The following ADAMTSL3 variants were observed in gnomAD, a reference collection of about 807,000 sequenced individuals.
ADAMTSL3 encodes ADAMTS like 3.
A neutral mutation model predicts 201.7 loss-of-function variants in ADAMTSL3; 128 were observed. That is an observed-to-expected ratio of 0.63 (90% CI 0.55 to 0.73). The LOEUF is 0.73. Ranked by LOEUF, ADAMTSL3 falls within the 30% of genes least tolerant of loss-of-function variation. ADAMTSL3 has a pLI of 0.00. For synonymous variants in ADAMTSL3, 738 were observed against 748.4 expected (o/e 0.99, Z 0.23); for missense variants, 1,990 against 2,119.6 (o/e 0.94, Z 1.20).
At chr15:83,759,669 G>A (rs1415801134) in intron 3 of ADAMTSL3, among the ~76,000 whole-genome samples, 2 of 152,188 alleles carry the variant, frequency 1.3e-5, no homozygotes, top group African/African-American at 4.8e-5. Flanking sequence ...GAGAGAAGTG[G>A]AAGACAGGAA....
Position 83,892,749 on chromosome 15 carries a change from T to TTG in ADAMTSL3, c.1336_1337dup (p.Glu447Ter). ...GGAGGAGGGATTCAGAGACGGAGCTTTGTGTGTGTAGAGGAATCCATGCAT... is the reference window on the plus strand; with the variant it reads ...GGAGGAGGGATTCAGAGACGGAGCTTTGTGTGTGTGTAGAGGAATCCATGCAT... On this transcript the variant is annotated frameshift_variant, in exon 13 of 30. Coordinates refer to ENST00000286744, the MANE Select transcript of ADAMTSL3 (RefSeq NM_207517.3). LOFTEE classifies it high-confidence loss of function. The TTG allele has an allele frequency of 6.2e-7, 1 of 1,613,900 alleles. No homozygotes were observed. Among genetic ancestry groups the TTG allele is most frequent in the African/African-American group, 1.3e-5 (1 of 74,976 alleles).
intron 6 of ADAMTSL3, among the ~76,000 whole-genome samples, chr15:83,837,249 C>T (rs192685579): frequency 8.8e-5 from 13 of 147,378 alleles, no homozygotes; most frequent in African/African-American, 3.0e-4. Flanking sequence ...ATGATAAAGA[C>T]AAGGAGATAT....
At chr15:83,822,665 C>T (rs1481227620) in intron 6 of ADAMTSL3, among the ~76,000 whole-genome samples, 1 of 151,284 alleles carries the variant, frequency 6.6e-6, no homozygotes, top group Non-Finnish European at 1.5e-5. Flanking sequence ...CTCCTCACTT[C>T]CTAGATGGGA....
intron 17 of ADAMTSL3, among the ~76,000 whole-genome samples, chr15:83,927,559 C>G (rs537929776): frequency 6.6e-6 from 1 of 152,286 alleles, no homozygotes; most frequent in South Asian, 2.1e-4. Context: ...GTAGCTAGTA[C>G]TATTCTTATT....
intron 6 of ADAMTSL3, among the ~76,000 whole-genome samples, chr15:83,832,493 G>A (rs1051117311): frequency 6.6e-6 from 1 of 152,178 alleles, no homozygotes; most frequent in African/African-American, 2.4e-5. Context: ...TAGGTGATTT[G>A]AATTAAATAA....
chr15:83,701,123 G>A (rs964029892), intron 2 of ADAMTSL3, among the ~76,000 whole-genome samples: 3 of 152,126 alleles, frequency 2.0e-5, no homozygotes, highest in Non-Finnish European at 4.4e-5. Flanking sequence ...AACACCTGTG[G>A]CCTCTTAATT....
chr15:83,867,156 C>A (rs1009706459), intron 8 of ADAMTSL3, among the ~76,000 whole-genome samples: 2 of 152,178 alleles, frequency 1.3e-5, no homozygotes, highest in African/African-American at 2.4e-5. Context: ...ATAAATCATT[C>A]TTTTAATATC....
At chr15:83,674,450 T>G (rs2061366794) in intron 2 of ADAMTSL3, among the ~76,000 whole-genome samples, 1 of 151,830 alleles carries the variant, frequency 6.6e-6, no homozygotes, top group African/African-American at 2.4e-5. Context: ...TATTTTCAGA[T>G]TCTTCATTTT....
intron 4 of ADAMTSL3, among the ~76,000 whole-genome samples, chr15:83,794,278 C>T (rs1030762184): frequency 6.6e-6 from 1 of 152,138 alleles, no homozygotes; most frequent in Non-Finnish European, 1.5e-5. Context: ...ATGCAACTAC[C>T]ATACAACTCA....
chr15:83,718,908 A>G lies in ADAMTSL3; in HGVS notation c.189+14400A>G, dbSNP rs1227646761. On this transcript the variant is annotated intron_variant, in intron 3 of 29. Transcript: ENST00000286744. Reference sequence around the variant, plus strand: ...TCATTCTGCCTTTTCTATATGAACAATATCACTGGATAACCAAACAGTAGA... The same window carrying G: ...TCATTCTGCCTTTTCTATATGAACAGTATCACTGGATAACCAAACAGTAGA... 3.3e-5 allele frequency among the ~76,000 whole-genome samples: 5 copies of G among 152,208 alleles called. No homozygotes were observed. In the South Asian group the frequency reaches 1.0e-3, roughly 32 times the overall value.
chr15:83,810,636 C>CT (rs2063678765), intron 5 of ADAMTSL3, among the ~76,000 whole-genome samples: 1 of 152,208 alleles, frequency 6.6e-6, no homozygotes, highest in African/African-American at 2.4e-5. Flanking sequence ...AATTAATTTC[C>CT]TTTTTTTCCC....
chr15:83,877,050 G>T (rs12900443), intron 9 of ADAMTSL3, among the ~76,000 whole-genome samples: 123,233 of 152,146 alleles, frequency 0.81, 50,031 homozygotes, highest in Admixed American at 0.87. Context: ...CACATCAGCC[G>T]CCCAAACTGC....
chr15:83,838,492 G>A (rs999051298), intron 7 of ADAMTSL3, among the ~76,000 whole-genome samples: 17 of 152,164 alleles, frequency 1.1e-4, no homozygotes, highest in Admixed American at 6.5e-4. Flanking sequence ...TCATGAAATA[G>A]TAATTTCTTT....
chr15:83,771,031 A>G (rs1469829552), intron 3 of ADAMTSL3, among the ~76,000 whole-genome samples: 1 of 152,164 alleles, frequency 6.6e-6, no homozygotes, highest in African/African-American at 2.4e-5. Flanking sequence ...AGATCACATC[A>G]CTGCACTCCA....
chr15:83,963,748 T>A (rs946270026), intron 19 of ADAMTSL3, among the ~76,000 whole-genome samples: 1 of 152,172 alleles, frequency 6.6e-6, no homozygotes, highest in Non-Finnish European at 1.5e-5. Flanking sequence ...AGACACTTCA[T>A]ACAGGAGAGT....
chr15:83,969,044 C>T (rs1198475313), intron 19 of ADAMTSL3, among the ~76,000 whole-genome samples: 1 of 152,086 alleles, frequency 6.6e-6, no homozygotes, highest in African/African-American at 2.4e-5. Context: ...AGAAGAAATA[C>T]CTAATGTAGA....
chr15:84,019,475 G>T (rs963167402), intron 25 of ADAMTSL3, among the ~76,000 whole-genome samples: 6 of 152,082 alleles, frequency 3.9e-5, no homozygotes, highest in Admixed American at 3.9e-4. Context: ...ATTGACAGGA[G>T]AATAGATTAA....
At chr15:83,926,218 A>C (rs923261476) in intron 17 of ADAMTSL3, among the ~76,000 whole-genome samples, 1 of 152,128 alleles carries the variant, frequency 6.6e-6, no homozygotes, top group Admixed American at 6.5e-5. Context: ...GGGCAGAGGG[A>C]ACAGTATGTG....
At chr15:84,033,091 A>G (rs2068438166) in intron 28 of ADAMTSL3, among the ~76,000 whole-genome samples, 1 of 151,228 alleles carries the variant, frequency 6.6e-6, no homozygotes, top group Non-Finnish European at 1.5e-5. Context: ...TTTTTCTTGA[A>G]CTCATCTTCA....
Sources: gnomAD v4.1 joint callset for allele counts (sites outside exome capture counted in the v4.1 genomes callset) on GRCh38, gnomAD v4.1.1 for gene constraint, MANE v1.5 for transcripts, NCBI Gene and HGNC (gene_info 2026-07-23, HGNC 2026-07-21) for gene names.